Variants in ZNF578 observed in about 807,000 individuals in gnomAD.
The protein encoded by ZNF578 is zinc finger protein 578.
Under a neutral mutation model 8.3 loss-of-function variants are expected in ZNF578, and 8 were observed. That is an observed-to-expected ratio of 0.96 (90% confidence interval 0.56 to 1.74). The LOEUF (loss-of-function observed/expected upper bound fraction) is 1.74. Among genes scored for constraint, ZNF578 ranks in the 40% most tolerant of loss-of-function variants. The pLI is 0.00. For missense variants in ZNF578, 726 were observed against 707.5 expected (o/e 1.03, Z -0.30); for synonymous variants, 206 against 232.2 (o/e 0.89, Z 1.03).
rs373633062 is a variant in ZNF578, at chr19:52,504,744, A to G, written c.153A>G (p.Glu51=). 53 of 1,614,110 alleles carry G rather than the reference A, an allele frequency of 3.3e-5. No homozygotes were observed. The African/African-American group carries it at 4.7e-4, about 14-fold the overall frequency. Reference sequence around the variant, plus strand: ...CTGCGCAGAGGGCTTTGTACAGGGAAGTGATGTTGGAGAACTACAGGAACC... The same window carrying G: ...CTGCGCAGAGGGCTTTGTACAGGGAGGTGATGTTGGAGAACTACAGGAACC... ...LNPAQRALYR[E]VMLENYRNLE... is the part of the protein sequence containing the mutation. The change falls in exon 5 of 6, where the codon GAA becomes GAG. Residue 51 remains glutamate (E), a synonymous_variant. Transcript: ENST00000421239.
intron 3 of ZNF578, among the ~76,000 whole-genome samples, chr19:52,494,288 A>G (rs890047879): frequency 1.3e-5 from 2 of 152,076 alleles, no homozygotes; most frequent in African/African-American, 4.8e-5. Context: ...GGAGTTCAAG[A>G]CTAGCCTAGG....
rs200893705 is a variant in ZNF578 at position 52,490,640 on chromosome 19, A to AT, written c.-121-669dup. 5.3e-3 allele frequency among the ~76,000 whole-genome samples: 757 copies of AT among 143,468 alleles called. 3 individuals are homozygous for AT. The highest frequency in any genetic ancestry group is 0.038 in the East Asian group (189 of 4,926). 94.1% of individuals were successfully genotyped at this position (143,468 alleles called of 152,430 possible). ...GTATTCAGAAAAAAATTGTATTAAC[A>AT]TTTTTTTTTTTTTTTGAGACGGAGT... On this transcript the variant is annotated intron_variant, in intron 2 of 5. Coordinates refer to ENST00000421239, the MANE Select transcript of ZNF578 (RefSeq NM_001099694.2).
intron 2 of ZNF578, among the ~76,000 whole-genome samples, chr19:52,481,897 G>C (rs1568459634): frequency 6.6e-6 from 1 of 151,914 alleles, no homozygotes; most frequent in Non-Finnish European, 1.5e-5. Flanking sequence ...AGACCAGCTA[G>C]GTTTTGTATT....
intron 3 of ZNF578, among the ~76,000 whole-genome samples, chr19:52,498,684 C>CCTTTTTTTTT (rs2059395891): frequency 9.4e-6 from 1 of 106,850 alleles, no homozygotes; most frequent in Non-Finnish European, 1.8e-5. Flanking sequence ...CGCCTGGCCG[C>CCTTTTTTTTT]TTTTTTTTTT....
chr19:52,472,032 C>G (rs189108353), intron 2 of ZNF578, among the ~76,000 whole-genome samples: 6 of 152,248 alleles, frequency 3.9e-5, no homozygotes, highest in Admixed American at 6.5e-5. Context: ...TGGTATACTT[C>G]ATATAAATGA....
intron 2 of ZNF578, chr19:52,458,944 C>T (rs189220602): frequency 1.5e-4 from 23 of 152,240 alleles, no homozygotes; most frequent in African/African-American, 4.8e-4. Flanking sequence ...TGGAAAACCC[C>T]TCCATTTTGT....
At chr19:52,504,879 G>GC in intron 5 of ZNF578, 98 bp downstream of exon 5, 1 of 1,534,218 alleles carries the variant, frequency 6.5e-7, no homozygotes, top group Non-Finnish European at 8.6e-7. Flanking sequence ...CCCATACGTG[G>GC]TTTTTTTGTT....
chr19:52,494,363 A>G (rs758596871), intron 3 of ZNF578, among the ~76,000 whole-genome samples: 4 of 152,102 alleles, frequency 2.6e-5, no homozygotes, highest in Non-Finnish European at 5.9e-5. Context: ...GGGGCATGAT[A>G]GTGTAGACCT....
At chr19:52,508,224 A>C (rs991289033) in intron 5 of ZNF578, among the ~76,000 whole-genome samples, 1 of 152,024 alleles carries the variant, frequency 6.6e-6, no homozygotes, top group African/African-American at 2.4e-5. Context: ...GCATGCCTAT[A>C]GTCCCAGCTA....
At chr19:52,499,496 A>G (rs2059398834) in intron 3 of ZNF578, among the ~76,000 whole-genome samples, 1 of 152,248 alleles carries the variant, frequency 6.6e-6, no homozygotes, top group East Asian at 1.9e-4. Context: ...TAAATCCCCA[A>G]ACACATTCCC....
At chr19:52,481,015 G>A (rs1385971026) in intron 2 of ZNF578, among the ~76,000 whole-genome samples, 3 of 151,968 alleles carry the variant, frequency 2.0e-5, no homozygotes, top group South Asian at 4.1e-4. Flanking sequence ...GCAGGGAATT[G>A]AGTTTGAGAA....
At chr19:52,506,221 C>G (rs1020820118) in intron 5 of ZNF578, among the ~76,000 whole-genome samples, 2 of 152,086 alleles carry the variant, frequency 1.3e-5, no homozygotes, top group African/African-American at 2.4e-5. Context: ...GTTTTTAAGG[C>G]TGAATAATAC....
chr19:52,504,550 A>G (rs891688530), intron 4 of ZNF578, 105 bp from the exon 5 acceptor site: 1 of 1,576,468 alleles, frequency 6.3e-7, no homozygotes, highest in African/African-American at 1.4e-5. Flanking sequence ...TTGTCACAAC[A>G]CAGTCTTTGA....
At chr19:52,508,462 C>A (rs1463596746) in intron 5 of ZNF578, among the ~76,000 whole-genome samples, 2 of 151,858 alleles carry the variant, frequency 1.3e-5, no homozygotes, top group Non-Finnish European at 1.5e-5. Context: ...TCTAAAAGGC[C>A]CCATCTGCAG....
At chr19:52,492,268 C>T (rs1449354275) in intron 3 of ZNF578, among the ~76,000 whole-genome samples, 2 of 151,006 alleles carry the variant, frequency 1.3e-5, no homozygotes, top group African/African-American at 4.9e-5. Flanking sequence ...CCCCCAGGTT[C>T]AGCGATTCTC....
chr19:52,466,250 A>T (rs2059274798), intron 2 of ZNF578, among the ~76,000 whole-genome samples: 1 of 152,204 alleles, frequency 6.6e-6, no homozygotes, highest in South Asian at 2.1e-4. Context: ...CTTATCAGAG[A>T]GCAGCTGTGG....
intron 2 of ZNF578, among the ~76,000 whole-genome samples, chr19:52,477,401 A>G (rs2059311486): frequency 6.6e-6 from 1 of 152,044 alleles, no homozygotes; most frequent in African/African-American, 2.4e-5. Flanking sequence ...TGATGGGGGT[A>G]CGATTCTGAT....
At chr19:52,497,705 G>A (rs1443724875) in intron 3 of ZNF578, among the ~76,000 whole-genome samples, 1 of 152,176 alleles carries the variant, frequency 6.6e-6, no homozygotes, top group Non-Finnish European at 1.5e-5. Flanking sequence ...TGTGATATAT[G>A]ATGTTAGGTT....
At chr19:52,508,373 A>G (rs1422035280) in intron 5 of ZNF578, among the ~76,000 whole-genome samples, 1 of 152,024 alleles carries the variant, frequency 6.6e-6, no homozygotes, top group East Asian at 1.9e-4. Context: ...AGAAAGAGAA[A>G]GTGAAAGAGA....
Sources: gnomAD v4.1 joint callset for allele counts (sites outside exome capture counted in the v4.1 genomes callset) on GRCh38, gnomAD v4.1.1 for gene constraint, MANE v1.5 for transcripts, NCBI Gene and HGNC (gene_info 2026-07-23, HGNC 2026-07-21) for gene names.